The following MACF1 variants were observed in gnomAD, a reference collection of about 807,000 sequenced individuals.
The protein encoded by MACF1 is microtubule-actin cross-linking factor 1.
In MACF1, 193 loss-of-function variants were observed where a neutral mutation model predicts 854.8. That is an observed-to-expected ratio of 0.23 (90% CI 0.20 to 0.25). The LOEUF is 0.25. Among genes scored for constraint, MACF1 ranks in the 10% least tolerant of loss-of-function variants. The pLI, the probability that MACF1 is intolerant of heterozygous loss-of-function variation, is 1.00. For synonymous variants in MACF1, 3,185 were observed against 3,226.7 expected, an observed-to-expected ratio of 0.99 and a Z score of 0.44; for missense variants, 7,722 against 8,929.1, an observed-to-expected ratio of 0.86 and a Z score of 5.45.
chr1:39,197,258 C>G (rs1644331646), intron 2 of MACF1, among the ~76,000 whole-genome samples: 1 of 151,846 alleles, frequency 6.6e-6, no homozygotes, highest in South Asian at 2.1e-4. Flanking sequence ...CACACACACA[C>G]ACAAGCTGCA....
intron 82 of MACF1, 44 bp from the exon 83 acceptor site, chr1:39,447,989 T>C (rs754505271): frequency 1.2e-6 from 2 of 1,612,904 alleles, no homozygotes; most frequent in Admixed American, 1.7e-5. Flanking sequence ...TGCTGTATAG[T>C]GTGTATATTC....
At chr1:39,446,250 A>G (rs1430214544) in intron 80 of MACF1, among the ~76,000 whole-genome samples, 1 of 152,002 alleles carries the variant, frequency 6.6e-6, no homozygotes, top group Non-Finnish European at 1.5e-5. Context: ...TATAAAGAAT[A>G]TGTAGATATA....
chr1:39,162,600 G>T (rs919324324), intron 2 of MACF1, among the ~76,000 whole-genome samples: 1 of 152,008 alleles, frequency 6.6e-6, no homozygotes, highest in Non-Finnish European at 1.5e-5. Context: ...ATCACATTAT[G>T]TTTTAGTTAT....
Position 39,422,696 on chromosome 1 carries a change from G to C in MACF1, c.15979-34G>C, listed in dbSNP as rs201295867. ...TAGTAATTTGAAAACTACTTTCTCCGTTCTCATAATGAACCTACATGTTCA... is the reference window on the plus strand; with the variant it reads ...TAGTAATTTGAAAACTACTTTCTCCCTTCTCATAATGAACCTACATGTTCA... On this transcript the variant is annotated intron_variant, in intron 59 of 100. Transcript: ENST00000564288. 49 of 1,597,864 alleles carry C rather than the reference G, an allele frequency of 3.1e-5. No homozygotes were observed. The African/African-American group carries it at 5.8e-4, about 19-fold the overall frequency.
chr1:39,294,944 A>G (rs1645869686), intron 18 of MACF1, 102 bp from the exon 19 acceptor site: 2 of 792,188 alleles, frequency 2.5e-6, no homozygotes, highest in Admixed American at 2.2e-5. Flanking sequence ...CACCAATTCT[A>G]TATTGTAGGT....
intron 2 of MACF1, among the ~76,000 whole-genome samples, chr1:39,195,310 G>A (rs947684352): frequency 6.6e-6 from 1 of 152,004 alleles, no homozygotes; most frequent in South Asian, 2.1e-4. Context: ...TAATTCACTG[G>A]GCCCAGCTTT....
intron 52 of MACF1, among the ~76,000 whole-genome samples, chr1:39,377,578 T>C (rs890883140): frequency 1.3e-5 from 2 of 152,122 alleles, no homozygotes; most frequent in African/African-American, 4.8e-5. Flanking sequence ...ATGAGCCAGA[T>C]TTATTGGCAC....
At chr1:39,443,675 T>C (rs1644164359) in intron 79 of MACF1, 101 bp downstream of exon 79, 1 of 1,289,642 alleles carries the variant, frequency 7.8e-7, no homozygotes, top group Non-Finnish European at 1.1e-6. Flanking sequence ...ATCTACAAAG[T>C]AGTGCATTTT....
At chr1:39,284,481 G>A in intron 11 of MACF1, 53 bp downstream of exon 11, 1 of 1,190,360 alleles carries the variant, frequency 8.4e-7, no homozygotes, top group Non-Finnish European at 1.2e-6. Context: ...CTGTACTGTT[G>A]TTGCTTCTTG....
intron 30 of MACF1, among the ~76,000 whole-genome samples, 186 bp from the exon 31 acceptor site, chr1:39,319,478 T>C (rs1291190767): frequency 6.6e-6 from 1 of 152,156 alleles, no homozygotes; most frequent in African/African-American, 2.4e-5. Context: ...AGTGCAAATT[T>C]GTGAACCCAA....
intron 99 of MACF1, 141 bp downstream of exon 99, chr1:39,481,171 C>A: frequency 1.8e-6 from 1 of 556,754 alleles, no homozygotes; most frequent in Non-Finnish European, 3.2e-6. Context: ...TCATCTAGTC[C>A]AGTGTTTTCA....
At chr1:39,121,795 C>G (rs1642722562) in intron 2 of MACF1, among the ~76,000 whole-genome samples, 1 of 152,138 alleles carries the variant, frequency 6.6e-6, no homozygotes, top group Admixed American at 6.5e-5. Context: ...GTCCAGTAAC[C>G]TTACTAGATT....
chr1:39,099,320 T>C (rs1266995578), intron 2 of MACF1, among the ~76,000 whole-genome samples: 2 of 152,144 alleles, frequency 1.3e-5, no homozygotes. Flanking sequence ...CACGCCCGGC[T>C]AATTTTTTGT....
At chr1:39,280,931 G>A (rs1455937154) in intron 6 of MACF1, among the ~76,000 whole-genome samples, 1 of 152,174 alleles carries the variant, frequency 6.6e-6, no homozygotes, top group Non-Finnish European at 1.5e-5. Flanking sequence ...GTGGGAGTTA[G>A]ACAAGTAAGA....
At chr1:39,470,622 G>A (rs1644757804) in intron 97 of MACF1, among the ~76,000 whole-genome samples, 2 of 152,084 alleles carry the variant, frequency 1.3e-5, no homozygotes, top group South Asian at 4.1e-4. Flanking sequence ...CTCCAGCCTG[G>A]GCAACAAGGC....
intron 2 of MACF1, among the ~76,000 whole-genome samples, chr1:39,123,492 G>A (rs1293099880): frequency 6.6e-6 from 1 of 151,626 alleles, no homozygotes; most frequent in Non-Finnish European, 1.5e-5. Context: ...ACAGGTGTGA[G>A]CCACTGTGCC....
chr1:39,360,901 G>A lies in MACF1; in HGVS notation c.12353G>A (p.Ser4118Asn), dbSNP rs770613419. Residue 4118 changes from serine (S) to asparagine (N), a missense_variant, in exon 48 of 101, where the codon AGC (serine) becomes AAC (asparagine). Physicochemically the swap from Ser to Asn is conservative, Grantham distance 46 (BLOSUM62 1). This residue lies in a region of MACF1 where 2,807 missense variants were observed against 3,235.8 expected (regional missense o/e 0.87). Transcript: ENST00000564288. ...CAGAGTGTCCAGGAAAGCCTGGAGA[G>A]CCTGTTGCAGTCTATTGGGGAAGTT... ...QSQSVQESLE[S>N]LLQSIGEVEQ... The A allele has an allele frequency of 1.2e-6, 2 of 1,613,812 alleles. No homozygotes were observed. Among genetic ancestry groups the A allele is most frequent in the African/African-American group, 1.3e-5 (1 of 74,858 alleles).
intron 2 of MACF1, among the ~76,000 whole-genome samples, chr1:39,196,616 A>G (rs1389752111): frequency 2.0e-5 from 3 of 152,152 alleles, no homozygotes; most frequent in African/African-American, 7.2e-5. Context: ...TATTTATTGT[A>G]TTTTTTAAAA....
chr1:39,440,111 C>CTTTTCTTTTTTT lies in MACF1; in HGVS notation c.18447+615_18447+616insCTTTTTTTTTTT, dbSNP rs1553414036. 6.1e-3 allele frequency among the ~76,000 whole-genome samples: 393 copies of CTTTTCTTTTTTT among 64,428 alleles called. 10 individuals are homozygous for CTTTTCTTTTTTT. The highest frequency in any genetic ancestry group is 0.017 in the African/African-American group (254 of 14,862). The allele number at this position is 64,428 out of a possible 152,430, so 42.3% of individuals were successfully genotyped here. A position where few individuals can be genotyped will look rare whatever the true frequency, so the allele number is the denominator to read the frequency against. ...CTTTTCTTTTCTTTTCTTTTCTTTT[C>CTTTTCTTTTTTT]TTTTTTTTTTTTTTTTTTGGAGACA... On this transcript the variant is annotated intron_variant, in intron 72 of 100. Transcript: ENST00000564288.
Sources: gnomAD v4.1 joint callset for allele counts (sites outside exome capture counted in the v4.1 genomes callset) on GRCh38, gnomAD v4.1.1 for gene constraint, gnomAD v4.1.1 regional missense constraint, MANE v1.5 for transcripts, NCBI Gene and HGNC (gene_info 2026-07-23, HGNC 2026-07-21) for gene names.